The following CLNK variants were observed in gnomAD, a reference collection of about 807,000 sequenced individuals.
The protein encoded by CLNK is cytokine dependent hematopoietic cell linker.
A neutral mutation model predicts 68.6 loss-of-function variants in CLNK; 74 were observed. That is an observed-to-expected ratio of 1.08 (90% CI 0.89 to 1.31). The LOEUF is 1.31. Ranked by LOEUF, CLNK falls within the 50% of genes most tolerant of loss-of-function variation. CLNK has a pLI of 0.00. For missense variants in CLNK, 553 were observed against 515.3 expected, an observed-to-expected ratio of 1.07 and a Z score of -0.71; for synonymous variants, 198 against 172.2, an observed-to-expected ratio of 1.15 and a Z score of -1.17.
the CLNK span, among the ~76,000 whole-genome samples, chr4:10,715,434 T>C: frequency 6.6e-6 from 1 of 152,226 alleles, no homozygotes; most frequent in East Asian, 1.9e-4. Flanking sequence ...CCAGTTCTCT[T>C]ATTTTCAAAA....
chr4:10,522,316 G>GGCT (rs1718112004), intron 14 of CLNK, among the ~76,000 whole-genome samples: 4 of 149,926 alleles, frequency 2.7e-5, no homozygotes, highest in African/African-American at 9.8e-5. Flanking sequence ...GCTTACACCT[G>GGCT]TAATCCCAAC....
intron 8 of CLNK, among the ~76,000 whole-genome samples, chr4:10,546,911 G>A (rs1476363987): frequency 6.6e-6 from 1 of 152,188 alleles, no homozygotes; most frequent in African/African-American, 2.4e-5. Context: ...GCAGAGTCCT[G>A]AGGCAGTGCA....
At chr4:10,502,252 A>G (rs1223697390) in intron 17 of CLNK, among the ~76,000 whole-genome samples, 1 of 152,216 alleles carries the variant, frequency 6.6e-6, no homozygotes, top group East Asian at 1.9e-4. Context: ...ACTTATAATC[A>G]GGCGGAAGGC....
intron 3 of CLNK, among the ~76,000 whole-genome samples, chr4:10,595,335 C>T (rs2869471): frequency 0.95 from 143,962 of 152,282 alleles, 68,281 homozygotes; most frequent in East Asian, 1. Flanking sequence ...GAGTGGAATT[C>T]GGATTTAATT....
the CLNK span, among the ~76,000 whole-genome samples, chr4:10,712,894 T>C: frequency 6.6e-6 from 1 of 152,216 alleles, no homozygotes; most frequent in African/African-American, 2.4e-5. Flanking sequence ...ACTGGTCCTA[T>C]GACCCCCACC....
chr4:10,579,187 A>G (rs564908424), intron 4 of CLNK, among the ~76,000 whole-genome samples: 175 of 152,370 alleles, frequency 1.1e-3, no homozygotes, highest in African/African-American at 4.1e-3. Context: ...AATGAGAAAT[A>G]GGGTAGTCCA....
chr4:10,720,282 A>T, the CLNK span, among the ~76,000 whole-genome samples: 1 of 152,180 alleles, frequency 6.6e-6, no homozygotes, highest in Non-Finnish European at 1.5e-5. Flanking sequence ...AGATCAATAA[A>T]ATTTACAAGT....
chr4:10,733,997 C>A, the CLNK span, among the ~76,000 whole-genome samples: 1 of 151,954 alleles, frequency 6.6e-6, no homozygotes, highest in East Asian at 1.9e-4. Flanking sequence ...ATATCTTTTT[C>A]TTTTCTTTTC....
At chr4:10,527,989 C>A (rs1718389447) in intron 13 of CLNK, 87 bp downstream of exon 13, 1 of 706,810 alleles carries the variant, frequency 1.4e-6, no homozygotes, top group Non-Finnish European at 2.0e-6. Context: ...ACAATCAATC[C>A]TTTTTAATAA....
At chr4:10,559,457 T>G (rs1291046378) in intron 7 of CLNK, among the ~76,000 whole-genome samples, 1 of 152,160 alleles carries the variant, frequency 6.6e-6, no homozygotes, top group Non-Finnish European at 1.5e-5. Flanking sequence ...CAGGGTTACC[T>G]TGTGGGGACT....
chr4:10,601,965 C>T (rs1338926380), intron 2 of CLNK, among the ~76,000 whole-genome samples: 1 of 152,194 alleles, frequency 6.6e-6, no homozygotes, highest in Admixed American at 6.5e-5. Context: ...AGGTACAGAA[C>T]ATCAGTGGGC....
chr4:10,583,045 G>A (rs1001074323), intron 4 of CLNK, among the ~76,000 whole-genome samples: 14 of 152,178 alleles, frequency 9.2e-5, no homozygotes, highest in Admixed American at 5.9e-4. Flanking sequence ...TCGCATGAAC[G>A]CCCTCTCCTG....
At chr4:10,554,247 C>CT (rs1719575135) in intron 8 of CLNK, among the ~76,000 whole-genome samples, 1 of 152,128 alleles carries the variant, frequency 6.6e-6, no homozygotes, top group Non-Finnish European at 1.5e-5. Context: ...AGAAAAAGTG[C>CT]TTTTCATTAT....
chr4:10,527,359 A>G (rs904554068), intron 13 of CLNK, among the ~76,000 whole-genome samples: 1 of 152,212 alleles, frequency 6.6e-6, no homozygotes, highest in African/African-American at 2.4e-5. Context: ...AGCTTTGTCA[A>G]TATGCAGAGA....
the CLNK span, among the ~76,000 whole-genome samples, chr4:10,715,875 G>C: frequency 5.9e-5 from 9 of 152,174 alleles, no homozygotes; most frequent in Non-Finnish European, 8.8e-5. Flanking sequence ...GGGGCCTGCA[G>C]ATGTAGGAAA....
intron 2 of CLNK, among the ~76,000 whole-genome samples, chr4:10,660,314 G>C (rs1724146966): frequency 6.6e-6 from 1 of 152,192 alleles, no homozygotes; most frequent in Non-Finnish European, 1.5e-5. Context: ...TTGAAAGATT[G>C]CATAGCTATA....
At chr4:10,513,325 T>C (rs1184077408) in intron 16 of CLNK, 139 bp downstream of exon 16, 10 of 661,262 alleles carry the variant, frequency 1.5e-5, no homozygotes, top group Non-Finnish European at 2.2e-5. Context: ...TTTAAAAATA[T>C]TAAAACCCAG....
intron 4 of CLNK, among the ~76,000 whole-genome samples, chr4:10,580,310 T>C (rs1188149475): frequency 1.3e-5 from 2 of 152,238 alleles, no homozygotes; most frequent in African/African-American, 4.8e-5. Context: ...GTACAGTACA[T>C]AATACTTCTT....
rs551453780 is a variant in CLNK at position 10,537,623 on chromosome 4, T to C, written c.602+2871A>G. Among the ~76,000 whole-genome samples, 838 of 136,456 alleles carry C rather than the reference T, an allele frequency of 6.1e-3. 8 individuals are homozygous for C. Among genetic ancestry groups the C allele is most frequent in the Middle Eastern group, 0.032 (9 of 284 alleles). The allele number at this position is 136,456 out of a possible 152,430, so 89.5% of individuals were successfully genotyped here. On this transcript the variant is annotated intron_variant, in intron 11 of 18. Transcript: ENST00000226951. Reference sequence around the variant, plus strand: ...TGTCTTTCTCCCTTTCTCTCTCTCTTTCTTTCTTTCTTTCTCTTTCTTTCT... The same window carrying C: ...TGTCTTTCTCCCTTTCTCTCTCTCTCTCTTTCTTTCTTTCTCTTTCTTTCT...
Sources: gnomAD v4.1 joint callset for allele counts (sites outside exome capture counted in the v4.1 genomes callset) on GRCh38, gnomAD v4.1.1 for gene constraint, MANE v1.5 for transcripts, NCBI Gene and HGNC (gene_info 2026-07-23, HGNC 2026-07-21) for gene names.